The following TTLL1 variants were observed in gnomAD, a reference collection of about 807,000 sequenced individuals.
TTLL1 encodes the protein TTL family tubulin polyglutamylase complex subunit L1, also known as polyglutamylase complex subunit TTLL1.
A neutral mutation model predicts 47.8 loss-of-function variants in TTLL1; 33 were observed. The ratio of observed to expected loss-of-function variants is 0.69; its 90% CI spans 0.52 to 0.92. TTLL1 has a LOEUF of 0.92. Among genes scored for constraint, TTLL1 ranks in the 40% least tolerant of loss-of-function variants. The pLI is 0.00. For missense variants in TTLL1, 488 were observed against 547.5 expected (o/e 0.89, Z 1.08); for synonymous variants, 225 against 214.1 (o/e 1.05, Z -0.45).
rs146570560 is a variant in TTLL1, at chr22:43,087,379, C to T, written c.-90+1898G>A. Among the ~76,000 whole-genome samples, 934 of 150,860 alleles carry T rather than the reference C, an allele frequency of 6.2e-3. 9 individuals are homozygous for T. The highest frequency in any genetic ancestry group is 0.021 in the African/African-American group (881 of 40,994). ...GTCTCTACTAAAAATACAAAATTAG[C>T]TGCGCGTGGTGGTGCACATCTGTAA... On this transcript the variant is annotated intron_variant, in intron 1 of 10. Coordinates refer to ENST00000266254, the MANE Select transcript of TTLL1 (RefSeq NM_012263.5).
At chr22:43,071,959 G>C (rs149714457) in intron 3 of TTLL1, among the ~76,000 whole-genome samples, 95 of 151,842 alleles carry the variant, frequency 6.3e-4, no homozygotes, top group Middle Eastern at 6.8e-3. Context: ...CTTCAGGATG[G>C]CACCTTCTCA....
At chr22:43,063,952 T>C in intron 6 of TTLL1, 31 bp from the exon 7 acceptor site, 1 of 1,602,062 alleles carries the variant, frequency 6.2e-7, no homozygotes, top group Admixed American at 1.7e-5. Flanking sequence ...ATTCAAACTC[T>C]GAGGAGAAAC....
rs373403966 is a variant in TTLL1, at chr22:43,059,290, A to G, written c.891+94T>C. On this transcript the variant is annotated intron_variant, in intron 8 of 10. Transcript: ENST00000266254. ...ATTACAGGCGTGAGCCGCCGCGCAC[A>G]GCTGAAAACAGGGATTTTTAACAGA... The G allele has an allele frequency of 2.3e-4, 343 of 1,507,540 alleles. No homozygotes were observed. In the African/African-American group the frequency reaches 4.2e-3, roughly 18 times the overall value. 93.4% of individuals were successfully genotyped at this position (1,507,540 alleles called of 1,614,324 possible).
At chr22:43,087,775 T>C (rs1425091346) in intron 1 of TTLL1, among the ~76,000 whole-genome samples, 1 of 145,528 alleles carries the variant, frequency 6.9e-6, no homozygotes, top group Non-Finnish European at 1.5e-5. Flanking sequence ...GAGGCAGAGG[T>C]TGCAGTGAGC....
intron 3 of TTLL1, among the ~76,000 whole-genome samples, chr22:43,074,531 T>C (rs1928357015): frequency 6.6e-6 from 1 of 151,778 alleles, no homozygotes; most frequent in Non-Finnish European, 1.5e-5. Context: ...TCATTCCATT[T>C]TTTGCTGTTG....
At chr22:43,069,490 G>A in intron 4 of TTLL1, 146 bp downstream of exon 4, 1 of 1,417,060 alleles carries the variant, frequency 7.1e-7, no homozygotes, top group Non-Finnish European at 9.4e-7. Context: ...TCATTCTGGA[G>A]ACACCTGAAA....
At chr22:43,044,248 C>T (rs1296581437) in intron 10 of TTLL1, among the ~76,000 whole-genome samples, 2 of 64,434 alleles carry the variant, frequency 3.1e-5, no homozygotes, top group East Asian at 8.0e-4. Flanking sequence ...AACAACCAAC[C>T]ACACACTGAC....
intron 8 of TTLL1, chr22:43,052,156 A>C: frequency 4.5e-6 from 2 of 449,018 alleles, no homozygotes; most frequent in Non-Finnish European, 8.3e-6. Context: ...CTAGCACCCA[A>C]CCCCTCTGTT....
intron 8 of TTLL1, among the ~76,000 whole-genome samples, chr22:43,057,000 G>A (rs947954424): frequency 1.3e-5 from 2 of 151,832 alleles, no homozygotes; most frequent in Admixed American, 6.6e-5. Flanking sequence ...GGCCAGGCGC[G>A]GTGGCTCACA....
intron 8 of TTLL1, among the ~76,000 whole-genome samples, chr22:43,052,825 G>A (rs1926734003): frequency 6.6e-6 from 1 of 152,062 alleles, no homozygotes; most frequent in South Asian, 2.1e-4. Flanking sequence ...TTGGGAGGCG[G>A]AGGCAGGTGG....
At chr22:43,078,583 G>A (rs944184473) in intron 2 of TTLL1, among the ~76,000 whole-genome samples, 2 of 151,952 alleles carry the variant, frequency 1.3e-5, no homozygotes, top group Non-Finnish European at 2.9e-5. Context: ...ATTCAAAGCC[G>A]GGATGATACT....
chr22:43,049,793 A>AAAAAAAAAAGAAAAG lies in TTLL1; in HGVS notation c.978+2007_978+2008insCTTTTCTTTTTTTTT, dbSNP rs1396823385. 2.7e-4 allele frequency among the ~76,000 whole-genome samples: 8 copies of AAAAAAAAAAGAAAAG among 29,466 alleles called. No individual in the cohort carries two copies. In the African/African-American group the frequency reaches 4.9e-3, roughly 18 times the overall value. The allele number at this position is 29,466 out of a possible 152,430, so 19.3% of individuals were successfully genotyped here. On this transcript the variant is annotated intron_variant, in intron 9 of 10. Transcript: ENST00000266254. ...AAGACAGAAAAAAAAAAAGAAAAGA[A>AAAAAAAAAAGAAAAG]AAAAAAAAAAGAATTGTTGGCTGGG... is the stretch of plus-strand genomic sequence containing the variant.
chr22:43,046,863 GT>G (rs1926182021), intron 9 of TTLL1, among the ~76,000 whole-genome samples: 1 of 152,018 alleles, frequency 6.6e-6, no homozygotes, highest in Non-Finnish European at 1.5e-5. Flanking sequence ...TAGAGATGGG[GT>G]TTCACCATAT....
intron 7 of TTLL1, 103 bp from the exon 8 acceptor site, chr22:43,059,630 G>A (rs913255660): frequency 1.4e-6 from 2 of 1,395,606 alleles, no homozygotes; most frequent in Admixed American, 2.7e-5. Context: ...CCCCCTGGGT[G>A]TGGGCATCCA....
intron 5 of TTLL1, among the ~76,000 whole-genome samples, chr22:43,066,174 T>TAAA (rs149083003): frequency 7.0e-6 from 1 of 143,254 alleles, no homozygotes; most frequent in Admixed American, 7.1e-5. Context: ...AAAAAAAAAT[T>TAAA]AAAAAAAAAA....
intron 1 of TTLL1, among the ~76,000 whole-genome samples, chr22:43,080,902 C>CTTTTTCTTTTT (rs1928833866): frequency 1.4e-5 from 1 of 69,284 alleles, no homozygotes; most frequent in Admixed American, 1.9e-4. Flanking sequence ...TGTTGCATGA[C>CTTTTTCTTTTT]TTTTTTTTTT....
intron 10 of TTLL1, 107 bp downstream of exon 10, chr22:43,046,303 C>G (rs1926120794): frequency 1.6e-6 from 2 of 1,259,656 alleles, no homozygotes; most frequent in Admixed American, 2.0e-5. Flanking sequence ...ATGAAACAGT[C>G]TGCCCAAATA....
chr22:43,055,057 T>G (rs1422250713), intron 8 of TTLL1, among the ~76,000 whole-genome samples: 1 of 151,052 alleles, frequency 6.6e-6, no homozygotes, highest in Admixed American at 6.6e-5. Context: ...GAATCTTAAC[T>G]CTGTCACCCA....
At chr22:43,087,751 T>C (rs1205916304) in intron 1 of TTLL1, among the ~76,000 whole-genome samples, 1 of 148,896 alleles carries the variant, frequency 6.7e-6, no homozygotes, top group Non-Finnish European at 1.5e-5. Context: ...GGTGGGAGGA[T>C]TGCTTGAACC....
Sources: allele counts gnomAD v4.1 joint callset (sites outside exome capture counted in the v4.1 genomes callset), GRCh38; gene constraint gnomAD v4.1.1; transcripts MANE v1.5; gene names NCBI Gene and HGNC (gene_info 2026-07-23, HGNC 2026-07-21).